INCENP: variants seen among roughly 807,000 people sequenced by gnomAD.
The protein encoded by INCENP is inner centromere protein.
INCENP carries 43 observed loss-of-function variants against 107.3 expected under a neutral mutation model. The observed-to-expected ratio is 0.40, with a 90% CI of 0.31 to 0.52. The LOEUF (loss-of-function observed/expected upper bound fraction) is 0.52, where lower values mean the gene tolerates loss of function less well. INCENP is among the 20% of genes least tolerant of loss of function. The pLI, the probability that INCENP is intolerant of heterozygous loss-of-function variation, is 0.53. For synonymous variants in INCENP, 488 were observed against 494.4 expected, an observed-to-expected ratio of 0.99 and a Z score of 0.17; for missense variants, 1,089 against 1,250.9, an observed-to-expected ratio of 0.87 and a Z score of 1.95.
intron 18 of INCENP, among the ~76,000 whole-genome samples, chr11:62,151,101 C>T (rs1392403189): frequency 6.6e-6 from 1 of 152,222 alleles, no homozygotes; most frequent in Non-Finnish European, 1.5e-5. Flanking sequence ...GAACAGCTTA[C>T]TTAAATAGTT....
At chr11:62,143,366 G>A (rs1944167003) in intron 11 of INCENP, among the ~76,000 whole-genome samples, 1 of 152,106 alleles carries the variant, frequency 6.6e-6, no homozygotes, top group Non-Finnish European at 1.5e-5. Context: ...TAGAGGGCTT[G>A]TCCTGGAATT....
At chr11:62,138,678 G>T (rs1408816037) in intron 5 of INCENP, 35 bp from the exon 6 acceptor site, 1 of 1,603,884 alleles carries the variant, frequency 6.2e-7, no homozygotes, top group East Asian at 2.2e-5. Context: ...TGGACTAGCT[G>T]GGCAGTCCCC....
At chr11:62,141,138 C>A in intron 10 of INCENP, 94 bp downstream of exon 10, 1 of 1,493,986 alleles carries the variant, frequency 6.7e-7, no homozygotes, top group South Asian at 1.3e-5. Flanking sequence ...GTAGTGTGAG[C>A]CTGGGCGGAG....
rs1257249195 is a variant in INCENP, at chr11:62,140,648, G to A, written c.1344-56G>A. The A allele has an allele frequency of 6.3e-6, 9 of 1,432,008 alleles. No individual in the cohort carries two copies. The African/African-American group carries it at 7.1e-5, about 11-fold the overall frequency. 88.7% of individuals were successfully genotyped at this position (1,432,008 alleles called of 1,614,324 possible). On this transcript the variant is annotated intron_variant, in intron 8 of 18. Transcript: ENST00000394818. Reference sequence around the variant, plus strand: ...TGTTCACCGGGGTGACTTTTGATGGGGTGTGGCTGGGCTGTGGCGGGCTGC... The same window carrying A: ...TGTTCACCGGGGTGACTTTTGATGGAGTGTGGCTGGGCTGTGGCGGGCTGC...
Position 62,129,977 on chromosome 11 carries a change from G to C in INCENP, c.450G>C (p.Thr150=), listed in dbSNP as rs746941030. The stretch of plus-strand genomic sequence containing the variant: ...CTTCACCCACCCCTGAGTCTCCCAC[G>C]ATGCTGACTAAGAAGCCCGAGGATA... The part of the protein sequence containing the change: ...APSSPTPESP[T]MLTKKPEDNH... The change falls in exon 4 of 19, where the codon ACG becomes ACC. Residue 150 remains threonine (T), a synonymous_variant. Transcript: ENST00000394818. 6.2e-7 allele frequency: 1 copy of C among 1,613,956 alleles called. No homozygotes were observed. Among genetic ancestry groups the C allele is most frequent in the Admixed American group, 1.7e-5 (1 of 60,006 alleles).
intron 4 of INCENP, among the ~76,000 whole-genome samples, chr11:62,136,858 T>C (rs1944004729): frequency 6.6e-6 from 1 of 152,196 alleles, no homozygotes; most frequent in Admixed American, 6.5e-5. Context: ...TCAGGGCAAA[T>C]GTCAACATAG....
At chr11:62,125,672 T>A (rs1051876687) in intron 1 of INCENP, among the ~76,000 whole-genome samples, 1 of 152,252 alleles carries the variant, frequency 6.6e-6, no homozygotes, top group African/African-American at 2.4e-5. Flanking sequence ...GTTTATTTGG[T>A]GCCCTTTGTG....
At chr11:62,148,051 TGTG>T (rs1197666493) in intron 15 of INCENP, among the ~76,000 whole-genome samples, 1 of 152,152 alleles carries the variant, frequency 6.6e-6, no homozygotes, top group African/African-American at 2.4e-5. Flanking sequence ...GCCAGTGTGT[TGTG>T]GAGGTGACTC....
intron 4 of INCENP, among the ~76,000 whole-genome samples, chr11:62,133,569 T>A (rs1257919819): frequency 6.6e-6 from 1 of 152,154 alleles, no homozygotes; most frequent in Non-Finnish European, 1.5e-5. Flanking sequence ...TGCCAGTGCT[T>A]AGGCCACTTC....
chr11:62,131,554 C>CA (rs1943893934), intron 4 of INCENP, among the ~76,000 whole-genome samples: 1 of 152,094 alleles, frequency 6.6e-6, no homozygotes, highest in Non-Finnish European at 1.5e-5. Flanking sequence ...GTGTTATTGG[C>CA]AGAGGGAACA....
chr11:62,139,148 G>C, intron 7 of INCENP, 143 bp downstream of exon 7: 1 of 643,198 alleles, frequency 1.6e-6, no homozygotes, highest in Non-Finnish European at 2.8e-6. Context: ...GGGGTGCAGA[G>C]ATCCCTTTTG....
chr11:62,141,889 C>CT (rs1944132717), intron 11 of INCENP: 1 of 363,460 alleles, frequency 2.8e-6, no homozygotes, highest in African/African-American at 2.1e-5. Flanking sequence ...CCCAGAGCTA[C>CT]TGAGATTTAT....
intron 11 of INCENP, among the ~76,000 whole-genome samples, chr11:62,143,726 A>G (rs1212962118): frequency 1.3e-5 from 2 of 152,202 alleles, no homozygotes; most frequent in African/African-American, 4.8e-5. Flanking sequence ...GGAGAAATCG[A>G]TAGTAACCAG....
At chr11:62,127,328 C>T (rs1943774176) in intron 1 of INCENP, among the ~76,000 whole-genome samples, 2 of 152,110 alleles carry the variant, frequency 1.3e-5, no homozygotes, top group Admixed American at 6.5e-5. Context: ...ACCACTGCAC[C>T]CGGCTGGTTA....
rs77778825 is a variant in INCENP, at chr11:62,130,408, C to T, written c.881C>T (p.Thr294Met). Residue 294 changes from threonine (T) to methionine (M), a missense_variant, in exon 4 of 19, where the codon ACG becomes ATG. By Grantham distance (81) the Thr-to-Met change is moderately conservative (BLOSUM62 -1). Coordinates refer to ENST00000394818, the MANE Select transcript of INCENP (RefSeq NM_001040694.2). ...PILPDNFSTP[T>M]GSRTDSQSVR... ...CTGCCGGATAACTTCTCCACGCCCA[C>T]GGGCTCTCGCACGGACTCTCAATCG... 2.6e-5 allele frequency: 42 copies of T among 1,613,582 alleles called. No homozygotes were observed. The East Asian group carries it at 6.2e-4, about 24-fold the overall frequency.
intron 2 of INCENP, 150 bp downstream of exon 2, chr11:62,128,451 TG>T: frequency 1.2e-6 from 1 of 831,916 alleles, no homozygotes; most frequent in Non-Finnish European, 1.9e-6. Context: ...TGCAGTGTGC[TG>T]GGGGCCTGAC....
intron 11 of INCENP, among the ~76,000 whole-genome samples, chr11:62,141,943 G>T (rs1434709769): frequency 2.6e-5 from 4 of 152,220 alleles, no homozygotes. Context: ...GTGGGGTGAT[G>T]GGGGAGCGCA....
At chr11:62,140,476 C>G (rs922999424) in intron 8 of INCENP, among the ~76,000 whole-genome samples, 191 bp downstream of exon 8, 1 of 152,158 alleles carries the variant, frequency 6.6e-6, no homozygotes, top group Non-Finnish European at 1.5e-5. Flanking sequence ...GGGAATAGGG[C>G]GACCCGATTG....
chr11:62,140,436 C>T (rs1411013841), intron 8 of INCENP, 151 bp downstream of exon 8: 4 of 758,416 alleles, frequency 5.3e-6, no homozygotes, highest in East Asian at 2.6e-5. Flanking sequence ...ACCAAGGAGG[C>T]AGCTCCATGC....
Sources: gnomAD v4.1 joint callset for allele counts (sites outside exome capture counted in the v4.1 genomes callset) on GRCh38, gnomAD v4.1.1 for gene constraint, MANE v1.5 for transcripts, NCBI Gene and HGNC (gene_info 2026-07-23, HGNC 2026-07-21) for gene names.